The following MECOM variants were observed in gnomAD, a reference collection of about 807,000 sequenced individuals.
MECOM encodes MDS1 and EVI1 complex locus, also known as histone-lysine N-methyltransferase MECOM.
A neutral mutation model predicts 116.3 loss-of-function variants in MECOM; 13 were observed. That is an observed-to-expected ratio of 0.11 (90% confidence interval 0.07 to 0.18). The LOEUF is 0.18. Among genes scored for constraint, MECOM ranks in the 10% least tolerant of loss-of-function variants. The probability of loss-of-function intolerance (pLI) is 1.00; values close to 1 mark genes in which losing one functional copy is unlikely to be tolerated. For synonymous variants in MECOM, 528 were observed against 535.2 expected (o/e 0.99, Z 0.19); for missense variants, 1,299 against 1,509.0 (o/e 0.86, Z 2.31).
At chr3:169,154,701 T>C (rs922942075) in intron 2 of MECOM, among the ~76,000 whole-genome samples, 2 of 152,208 alleles carry the variant, frequency 1.3e-5, no homozygotes, top group African/African-American at 4.8e-5. Context: ...TGAGGCAATG[T>C]AGGTAAATCA....
intron 2 of MECOM, among the ~76,000 whole-genome samples, chr3:169,183,761 TAC>T (rs71166249): frequency 0.024 from 2,849 of 118,442 alleles, 40 homozygotes; most frequent in African/African-American, 0.035. Flanking sequence ...GATACATACA[TAC>T]ACACACACAC....
chr3:169,589,469 T>C (rs1469263858), intron 1 of MECOM, among the ~76,000 whole-genome samples: 4 of 152,304 alleles, frequency 2.6e-5, no homozygotes, highest in Non-Finnish European at 4.4e-5. Context: ...TTAAACTTTA[T>C]AGGTAACTGC....
intron 2 of MECOM, among the ~76,000 whole-genome samples, chr3:169,173,291 G>A (rs989602070): frequency 1.2e-4 from 19 of 152,054 alleles, no homozygotes; most frequent in African/African-American, 3.9e-4. Context: ...GCTAGCTGAG[G>A]AAATGCTGAA....
intron 5 of MECOM, among the ~76,000 whole-genome samples, chr3:169,123,920 A>G (rs1371608956): frequency 6.6e-6 from 1 of 152,094 alleles, no homozygotes; most frequent in Non-Finnish European, 1.5e-5. Flanking sequence ...AAGCCAAATC[A>G]TTATTCCTAA....
At chr3:169,636,628 G>C (rs937736468) in intron 1 of MECOM, among the ~76,000 whole-genome samples, 1 of 152,114 alleles carries the variant, frequency 6.6e-6, no homozygotes, top group Admixed American at 6.5e-5. Flanking sequence ...TTAGACTTTC[G>C]AAGGTTCGTA....
intron 1 of MECOM, among the ~76,000 whole-genome samples, chr3:169,501,468 AAAC>A (rs1754514293): frequency 6.6e-6 from 1 of 152,000 alleles, no homozygotes; most frequent in Admixed American, 6.5e-5. Context: ...AATTAAAAAC[AAAC>A]AAGAAAACCA....
At chr3:169,395,852 G>A (rs1734954836) in intron 1 of MECOM, among the ~76,000 whole-genome samples, 1 of 152,192 alleles carries the variant, frequency 6.6e-6, no homozygotes, top group African/African-American at 2.4e-5. Flanking sequence ...TAGGGACCCT[G>A]TGTGTTTTCT....
intron 1 of MECOM, among the ~76,000 whole-genome samples, chr3:169,662,990 TC>T (rs1483006996): frequency 7.7e-6 from 1 of 130,482 alleles, no homozygotes; most frequent in South Asian, 2.6e-4. Context: ...CCTCTTCTCT[TC>T]CCCCCCACCC....
intron 2 of MECOM, among the ~76,000 whole-genome samples, chr3:169,309,058 G>A (rs957839284): frequency 2.0e-5 from 3 of 152,154 alleles, no homozygotes; most frequent in Non-Finnish European, 4.4e-5. Context: ...AAACGTCTGG[G>A]TTAATCAGGA....
At chr3:169,179,829 C>A (rs779138308) in intron 2 of MECOM, among the ~76,000 whole-genome samples, 34 of 152,124 alleles carry the variant, frequency 2.2e-4, no homozygotes, top group Non-Finnish European at 4.0e-4. Flanking sequence ...AGCAGCCGGT[C>A]TCTCTTTTTA....
At chr3:169,281,803 C>CGA (rs1712087437) in intron 2 of MECOM, among the ~76,000 whole-genome samples, 1 of 151,954 alleles carries the variant, frequency 6.6e-6, no homozygotes. Context: ...CAATGAGATC[C>CGA]TGTCTCAAAA....
chr3:169,312,750 A>C (rs935586164), intron 2 of MECOM, among the ~76,000 whole-genome samples: 32 of 152,160 alleles, frequency 2.1e-4, no homozygotes, highest in African/African-American at 6.8e-4. Flanking sequence ...CTGGGGAGAG[A>C]GGAAAAACCA....
At chr3:169,213,356 G>C (rs1751025014) in intron 2 of MECOM, among the ~76,000 whole-genome samples, 1 of 152,104 alleles carries the variant, frequency 6.6e-6, no homozygotes, top group Non-Finnish European at 1.5e-5. Context: ...AACGAAAAAA[G>C]AAAGGAATAT....
At chr3:169,432,184 A>C (rs1306923164) in intron 1 of MECOM, among the ~76,000 whole-genome samples, 1 of 150,738 alleles carries the variant, frequency 6.6e-6, no homozygotes, top group African/African-American at 2.4e-5. Flanking sequence ...TTTTAGACAG[A>C]GTCTTGCTCT....
chr3:169,461,290 C>G (rs1001932443), intron 1 of MECOM, among the ~76,000 whole-genome samples: 7 of 152,104 alleles, frequency 4.6e-5, no homozygotes, highest in African/African-American at 1.4e-4. Flanking sequence ...TCTGACTCAT[C>G]ATCTGGGACA....
intron 2 of MECOM, among the ~76,000 whole-genome samples, chr3:169,191,720 A>AAAG (rs1169773543): frequency 0.016 from 758 of 48,076 alleles, 24 homozygotes; most frequent in East Asian, 0.024. Flanking sequence ...AAGAAAGAAA[A>AAAG]AAAGAAAGAA....
At chr3:169,219,816 G>A (rs1751901408) in intron 2 of MECOM, among the ~76,000 whole-genome samples, 2 of 149,060 alleles carry the variant, frequency 1.3e-5, no homozygotes, top group South Asian at 4.2e-4. Flanking sequence ...ATAATAGCAT[G>A]TGTATATATA....
At chr3:169,526,080 T>TCA (rs1757938862) in intron 1 of MECOM, among the ~76,000 whole-genome samples, 1 of 151,712 alleles carries the variant, frequency 6.6e-6, no homozygotes, top group South Asian at 2.1e-4. Context: ...TAAAGTTTTC[T>TCA]CACACAAAAA....
chr3:169,355,327 T>A (rs950594053), intron 2 of MECOM, among the ~76,000 whole-genome samples: 4 of 152,012 alleles, frequency 2.6e-5, no homozygotes, highest in Admixed American at 6.6e-5. Context: ...TATGTTAATG[T>A]CCTTGGTGAC....
Sources: allele counts gnomAD v4.1 joint callset (sites outside exome capture counted in the v4.1 genomes callset), GRCh38; gene constraint gnomAD v4.1.1; transcripts MANE v1.5; gene names NCBI Gene and HGNC (gene_info 2026-07-23, HGNC 2026-07-21).